Variants in GNAI1 observed in about 807,000 individuals in gnomAD.
The protein encoded by GNAI1 is G protein subunit alpha i1.
GNAI1 carries 11 observed loss-of-function variants against 38.9 expected under a neutral mutation model. That is an observed-to-expected ratio of 0.28 (90% confidence interval 0.18 to 0.47). The LOEUF is 0.47. Ranked by LOEUF, GNAI1 falls within the 20% of genes least tolerant of loss-of-function variation. The probability of loss-of-function intolerance (pLI) is 0.99; values close to 1 mark genes in which losing one functional copy is unlikely to be tolerated. For missense variants in GNAI1, 317 were observed against 436.9 expected, an observed-to-expected ratio of 0.73 and a Z score of 2.45; for synonymous variants, 166 against 145.1, an observed-to-expected ratio of 1.14 and a Z score of -1.04.
chr7:80,160,558 C>G (rs1047375836), intron 1 of GNAI1, among the ~76,000 whole-genome samples: 3 of 152,078 alleles, frequency 2.0e-5, no homozygotes, highest in Non-Finnish European at 4.4e-5. Flanking sequence ...TGGTTTTGGT[C>G]TGCAAACATT....
intron 1 of GNAI1, among the ~76,000 whole-genome samples, chr7:80,179,497 AATTTTAAAAAGACATGTAGTTC>A (rs1788253653): frequency 6.6e-6 from 1 of 152,198 alleles, no homozygotes; most frequent in South Asian, 2.1e-4. Flanking sequence ...AAAATACTAG[AATTTTAAAAAGACATGTAGTTC>A]AGGTATAAAG....
chr7:80,137,293 C>CTTTTTTTTTTTTTTTTT (rs377362596), intron 1 of GNAI1, among the ~76,000 whole-genome samples: 3 of 95,260 alleles, frequency 3.1e-5, no homozygotes, highest in African/African-American at 8.1e-5. Context: ...TTTCTTTTTT[C>CTTTTTTTTTTTTTTTTT]TTTTTTTTTT....
chr7:80,152,925 A>G (rs564226968), intron 1 of GNAI1, among the ~76,000 whole-genome samples: 2 of 152,186 alleles, frequency 1.3e-5, no homozygotes, highest in East Asian at 1.9e-4. Flanking sequence ...AAGATTTCAA[A>G]TGAAAAGTGA....
intron 1 of GNAI1, among the ~76,000 whole-genome samples, chr7:80,139,382 T>C (rs758584408): frequency 6.6e-6 from 1 of 152,198 alleles, no homozygotes; most frequent in Non-Finnish European, 1.5e-5. Flanking sequence ...ATAAAATCTT[T>C]TAGACTTGGC....
intron 1 of GNAI1, among the ~76,000 whole-genome samples, chr7:80,146,246 C>T (rs146351284): frequency 1.5e-3 from 230 of 152,250 alleles, no homozygotes; most frequent in Admixed American, 4.3e-3. Context: ...GCTCCAGTTG[C>T]TCCTAACTGA....
At chr7:80,183,136 AATATATTAT>A (rs1261369924) in intron 1 of GNAI1, among the ~76,000 whole-genome samples, 3 of 152,214 alleles carry the variant, frequency 2.0e-5, no homozygotes, top group Non-Finnish European at 4.4e-5. Flanking sequence ...TTTTCAAAAG[AATATATTAT>A]ATACATTTCA....
chr7:80,211,134 A>C, intron 6 of GNAI1, 36 bp downstream of exon 6: 1 of 1,593,970 alleles, frequency 6.3e-7, no homozygotes, highest in Non-Finnish European at 8.6e-7. Flanking sequence ...AGCTTGAAAC[A>C]TGAAGAGCTG....
intron 3 of GNAI1, among the ~76,000 whole-genome samples, chr7:80,190,167 GGCTCAA>G (rs1197610351): frequency 1.3e-5 from 2 of 151,482 alleles, no homozygotes; most frequent in Non-Finnish European, 2.9e-5. Flanking sequence ...TAAACATGTA[GGCTCAA>G]TTCATGCTTA....
chr7:80,223,115 A>G lies in GNAI1; in HGVS notation c.*5622A>G, dbSNP rs796962990. Among the ~76,000 whole-genome samples the G allele has an allele frequency of 5.2e-4, 79 of 152,342 alleles. No homozygotes were observed. Among genetic ancestry groups the G allele is most frequent in the African/African-American group, 1.9e-3 (78 of 41,584 alleles). On this transcript the variant is annotated 3_prime_UTR_variant, in exon 8 of 8. Coordinates refer to ENST00000649796, the MANE Select transcript of GNAI1 (RefSeq NM_002069.6). ...CTGAATGCATACCAGTTTCGCACCA[A>G]TGTAAAGTTGAAAAATTGTTAAGTT... is the stretch of plus-strand genomic sequence containing the variant.
At chr7:80,169,110 C>A (rs1028737178) in intron 1 of GNAI1, among the ~76,000 whole-genome samples, 11 of 152,118 alleles carry the variant, frequency 7.2e-5, no homozygotes, top group South Asian at 4.1e-4. Context: ...CTATGATTTT[C>A]CCCTTTAAAA....
chr7:80,135,917 T>C, intron 1 of GNAI1: 8 of 985,408 alleles, frequency 8.1e-6, no homozygotes, highest in Non-Finnish European at 9.6e-6. Flanking sequence ...TGTGGGGGCA[T>C]GGAAGCCACC....
chr7:80,164,214 T>G (rs1367629969), intron 1 of GNAI1, among the ~76,000 whole-genome samples: 1 of 151,236 alleles, frequency 6.6e-6, no homozygotes, highest in African/African-American at 2.4e-5. Flanking sequence ...CCAGCTAATT[T>G]TTGTATTTTT....
At position 80,222,326 on chromosome 7, in the gene GNAI1, C is replaced by G. The variant is rs1162996341; in HGVS notation, c.*4833C>G. ...TTTTACTGCCCGTCTTCCTAGGTCT[C>G]CATCCGTAAAGTGGATGGAAACACT... On this transcript the variant is annotated 3_prime_UTR_variant, in exon 8 of 8. Coordinates refer to ENST00000649796, the MANE Select transcript of GNAI1 (RefSeq NM_002069.6). Among the ~76,000 whole-genome samples the G allele has an allele frequency of 4.0e-5, 6 of 151,718 alleles. No homozygotes were observed. The highest frequency in any genetic ancestry group is 7.4e-5 in the Non-Finnish European group (5 of 67,984).
intron 5 of GNAI1, among the ~76,000 whole-genome samples, chr7:80,208,922 T>C (rs1788825728): frequency 6.6e-6 from 1 of 152,206 alleles, no homozygotes; most frequent in Non-Finnish European, 1.5e-5. Flanking sequence ...TAACATGTTT[T>C]CATTTCCTTC....
intron 1 of GNAI1, among the ~76,000 whole-genome samples, chr7:80,137,302 T>TTCC (rs759133938): frequency 1.7e-4 from 10 of 60,392 alleles, no homozygotes; most frequent in African/African-American, 4.2e-4. Flanking sequence ...TCTTTTTTTT[T>TTCC]TTTTCTTTTC....
At chr7:80,186,988 A>G (rs1447182083) in intron 1 of GNAI1, 3 of 152,214 alleles carry the variant, frequency 2.0e-5, no homozygotes, top group Non-Finnish European at 2.9e-5. Flanking sequence ...GATGCCCTGA[A>G]AGATTCAAAG....
chr7:80,199,126 G>T, intron 3 of GNAI1, 99 bp from the exon 4 acceptor site: 1 of 827,452 alleles, frequency 1.2e-6, no homozygotes, highest in Non-Finnish European at 1.8e-6. Context: ...AAGGAAGTTC[G>T]CTATTGCCTT....
intron 1 of GNAI1, among the ~76,000 whole-genome samples, chr7:80,152,648 A>C (rs760565936): frequency 1.3e-5 from 2 of 149,450 alleles, no homozygotes; most frequent in Admixed American, 1.4e-4. Flanking sequence ...TCAACCTCCA[A>C]CTTCCGGGTT....
intron 1 of GNAI1, among the ~76,000 whole-genome samples, chr7:80,153,243 G>A (rs1787759307): frequency 6.6e-6 from 1 of 152,076 alleles, no homozygotes; most frequent in African/African-American, 2.4e-5. Context: ...AAGGATCAAA[G>A]GGTTCATTTT....
Sources: gnomAD v4.1 joint callset for allele counts (sites outside exome capture counted in the v4.1 genomes callset) on GRCh38, gnomAD v4.1.1 for gene constraint, MANE v1.5 for transcripts, NCBI Gene and HGNC (gene_info 2026-07-23, HGNC 2026-07-21) for gene names.